CEP128: variants seen among roughly 807,000 people sequenced by gnomAD.
CEP128 encodes the protein centrosomal protein 128kDa.
Under a neutral mutation model 156.7 loss-of-function variants are expected in CEP128, and 132 were observed. That is an observed-to-expected ratio of 0.84 (90% CI 0.73 to 0.97). The LOEUF (loss-of-function observed/expected upper bound fraction) is 0.97. Among genes scored for constraint, CEP128 ranks in the 50% least tolerant of loss-of-function variants. The probability of loss-of-function intolerance (pLI) is 0.00; values close to 1 mark genes in which losing one functional copy is unlikely to be tolerated. For synonymous variants in CEP128, 469 were observed against 448.9 expected, an observed-to-expected ratio of 1.04 and a Z score of -0.57; for missense variants, 1,252 against 1,281.9, an observed-to-expected ratio of 0.98 and a Z score of 0.36.
intron 19 of CEP128, among the ~76,000 whole-genome samples, chr14:80,742,597 A>C (rs1164518549): frequency 6.6e-6 from 1 of 152,208 alleles, no homozygotes; most frequent in Non-Finnish European, 1.5e-5. Context: ...ACAACGTTCT[A>C]ATATATTATA....
intron 2 of CEP128, among the ~76,000 whole-genome samples, chr14:80,924,735 T>C (rs375149086): frequency 1.6e-4 from 25 of 151,616 alleles, no homozygotes; most frequent in Middle Eastern, 3.4e-3. Flanking sequence ...TTCATGGGGG[T>C]TTTTTTTAAT....
chr14:80,681,391 C>T (rs1009113685), intron 19 of CEP128, among the ~76,000 whole-genome samples: 10 of 152,170 alleles, frequency 6.6e-5, no homozygotes, highest in African/African-American at 2.4e-4. Flanking sequence ...AGCTCTCCAG[C>T]AATGGTACCT....
downstream of CEP128, among the ~76,000 whole-genome samples, chr14:80,488,531 T>G (rs1467700876): frequency 6.6e-6 from 1 of 151,624 alleles, no homozygotes; most frequent in Non-Finnish European, 1.5e-5. Context: ...TTTACACTGT[T>G]GGTGGGACTG....
chr14:80,856,955 C>T (rs1249975991), intron 9 of CEP128, among the ~76,000 whole-genome samples: 1 of 151,326 alleles, frequency 6.6e-6, no homozygotes, highest in Non-Finnish European at 1.5e-5. Flanking sequence ...ACCATGTTGG[C>T]CAGGCTGGTC....
intron 18 of CEP128, among the ~76,000 whole-genome samples, chr14:80,743,563 G>A (rs1898943879): frequency 6.6e-6 from 1 of 152,054 alleles, no homozygotes; most frequent in Non-Finnish European, 1.5e-5. Context: ...CCTCTGATTT[G>A]ATATACAGGG....
intron 19 of CEP128, among the ~76,000 whole-genome samples, chr14:80,657,637 T>C (rs549562036): frequency 4.7e-4 from 71 of 151,854 alleles, no homozygotes; most frequent in African/African-American, 1.2e-4. Flanking sequence ...GGCAACAGAG[T>C]GAGACTCTGT....
Position 80,831,155 on chromosome 14 carries a change from T to G in CEP128, c.1197A>C (p.Ala399=). 1 of 1,614,030 alleles carries G rather than the reference T, an allele frequency of 6.2e-7. No homozygotes were observed. Among genetic ancestry groups the G allele is most frequent in the Middle Eastern group, 1.6e-4 (1 of 6,062 alleles). Residue 399 remains alanine (A), a synonymous_variant, in exon 13 of 25, where the codon GCA becomes GCC. Transcript: ENST00000555265. ...AGAGCAAAGTCACCTCTACTTGTGA[T>G]GCCAAATGTGCTTTCTCCTTGTCTT... ...ERKDKEKAHL[A]SQVENLTREL... is the part of the protein sequence containing the mutation.
At chr14:80,541,167 G>A (rs1889739321) in intron 21 of CEP128, among the ~76,000 whole-genome samples, 1 of 152,044 alleles carries the variant, frequency 6.6e-6, no homozygotes, top group South Asian at 2.1e-4. Context: ...TCTAAGTCAG[G>A]AAAATGGGAA....
chr14:80,601,918 A>G (rs1892595884), intron 19 of CEP128, among the ~76,000 whole-genome samples: 1 of 152,200 alleles, frequency 6.6e-6, no homozygotes, highest in Non-Finnish European at 1.5e-5. Context: ...CCAGTTAAAA[A>G]GTGGAGATTG....
At chr14:80,912,203 G>A (rs1305121228) in intron 4 of CEP128, among the ~76,000 whole-genome samples, 2 of 149,064 alleles carry the variant, frequency 1.3e-5, no homozygotes, top group African/African-American at 5.0e-5. Flanking sequence ...GTGACAGAGC[G>A]AGACTCCACC....
chr14:80,705,026 A>G (rs1897194098), intron 19 of CEP128, among the ~76,000 whole-genome samples: 1 of 151,966 alleles, frequency 6.6e-6, no homozygotes, highest in Non-Finnish European at 1.5e-5. Context: ...CCATCTGTAA[A>G]TATTTCAGTA....
intron 14 of CEP128, among the ~76,000 whole-genome samples, chr14:80,790,555 T>C (rs1034591347): frequency 2.6e-5 from 4 of 152,152 alleles, no homozygotes; most frequent in Non-Finnish European, 5.9e-5. Context: ...TTGAGGAAAG[T>C]GTACAATTTG....
intron 21 of CEP128, among the ~76,000 whole-genome samples, chr14:80,536,640 C>T (rs1267118499): frequency 6.6e-6 from 1 of 152,180 alleles, no homozygotes; most frequent in Non-Finnish European, 1.5e-5. Flanking sequence ...TGCCTTTTCA[C>T]TTGTGGTAAC....
chr14:80,831,373 A>AT lies in CEP128; in HGVS notation c.1058-80dup. 6 of 1,377,224 alleles carry AT rather than the reference A, an allele frequency of 4.4e-6. No homozygotes were observed. The South Asian group carries it at 7.9e-5, about 18-fold the overall frequency. The allele number at this position is 1,377,224 out of a possible 1,614,324, so 85.3% of individuals were successfully genotyped here. Reference sequence around the variant, plus strand: ...TACTTTCAAATAGTACTGAGCCCTGATGTTTCAATATTCTAGCTATCATAA... The same window carrying AT: ...TACTTTCAAATAGTACTGAGCCCTGATTGTTTCAATATTCTAGCTATCATAA... On this transcript the variant is annotated intron_variant, in intron 12 of 24. Coordinates refer to ENST00000555265, the MANE Select transcript of CEP128 (RefSeq NM_152446.5).
chr14:80,744,970 C>T (rs1359934914), intron 18 of CEP128, among the ~76,000 whole-genome samples: 2 of 152,076 alleles, frequency 1.3e-5, no homozygotes, highest in African/African-American at 4.8e-5. Context: ...TTGAAATCCT[C>T]GAGAAAATAC....
At chr14:80,744,018 ACAC>A (rs1898972169) in intron 18 of CEP128, among the ~76,000 whole-genome samples, 1 of 151,676 alleles carries the variant, frequency 6.6e-6, no homozygotes, top group South Asian at 2.1e-4. Context: ...CTACAGGTAC[ACAC>A]CACCATGTCT....
In CEP128 at chr14:80,846,653, A is replaced by C. The variant is rs575396805; in HGVS notation, c.763-5885T>G. Among the ~76,000 whole-genome samples the C allele has an allele frequency of 2.3e-3, 345 of 152,306 alleles. 1 individual carries two copies. Among genetic ancestry groups the C allele is most frequent in the Middle Eastern group, 3.4e-3 (1 of 294 alleles). ...AAAATGAGGAACTGAATGGAGCAGA[A>C]AGTATATTGCAAGCATTTAATAATT... On this transcript the variant is annotated intron_variant, in intron 9 of 24. Transcript: ENST00000555265.
chr14:80,784,546 T>C (rs891992778), intron 15 of CEP128, among the ~76,000 whole-genome samples: 4 of 152,230 alleles, frequency 2.6e-5, no homozygotes, highest in African/African-American at 9.7e-5. Context: ...TTATAGCTTC[T>C]CTGGCCTTGA....
intron 13 of CEP128, chr14:80,830,200 G>A (rs531235242): frequency 8.0e-6 from 5 of 624,856 alleles, no homozygotes; most frequent in African/African-American, 1.8e-5. Context: ...CATGTAGAGG[G>A]CTTTGTAAAG....
Sources: allele counts gnomAD v4.1 joint callset (sites outside exome capture counted in the v4.1 genomes callset), GRCh38; gene constraint gnomAD v4.1.1; transcripts MANE v1.5; gene names NCBI Gene and HGNC (gene_info 2026-07-23, HGNC 2026-07-21).